The following HSPG2 variants were observed in gnomAD, a reference collection of about 807,000 sequenced individuals.
HSPG2 encodes basement membrane-specific heparan sulfate proteoglycan core protein.
In HSPG2, 278 loss-of-function variants were observed where a neutral mutation model predicts 526.6. That is an observed-to-expected ratio of 0.53 (90% CI 0.48 to 0.58). The LOEUF (loss-of-function observed/expected upper bound fraction) is 0.58, where lower values mean the gene tolerates loss of function less well. HSPG2 is among the 20% of genes least tolerant of loss of function. HSPG2 has a pLI of 0.00. For synonymous variants in HSPG2, 2,465 were observed against 2,555.4 expected, an observed-to-expected ratio of 0.96 and a Z score of 1.07; for missense variants, 5,354 against 6,099.5, an observed-to-expected ratio of 0.88 and a Z score of 4.07.
chr1:21,870,902 G>A (rs1318713254), intron 33 of HSPG2: 11 of 985,880 alleles, frequency 1.1e-5, no homozygotes, highest in African/African-American at 1.7e-5. Flanking sequence ...GCCAGGACAG[G>A]AGACAGAGAT....
chr1:21,926,673 T>C (rs952469730), intron 1 of HSPG2, among the ~76,000 whole-genome samples: 3 of 137,990 alleles, frequency 2.2e-5, no homozygotes, highest in African/African-American at 8.2e-5. Context: ...GGCAAAAGAA[T>C]CGCTATTGAA....
intron 1 of HSPG2, among the ~76,000 whole-genome samples, chr1:21,916,763 C>G (rs185675544): frequency 6.6e-6 from 1 of 152,000 alleles, no homozygotes; most frequent in Non-Finnish European, 1.5e-5. Context: ...TAAATAGTCA[C>G]GTGTGACTAG....
chr1:21,850,513 G>A lies in HSPG2; in HGVS notation c.7159-15C>T, dbSNP rs753264896. Reference sequence around the variant, plus strand: ...GAGCCGTGGGTCTGGCCAGAATGGGGGTGAGTCAGAGGGAGCCCTCAGGAG... The same window carrying A: ...GAGCCGTGGGTCTGGCCAGAATGGGAGTGAGTCAGAGGGAGCCCTCAGGAG... On this transcript the variant is annotated splice_polypyrimidine_tract_variant and intron_variant, in intron 55 of 96. Transcript: ENST00000374695. 2 of 1,599,886 alleles carry A rather than the reference G, an allele frequency of 1.3e-6. No homozygotes were observed. Among genetic ancestry groups the A allele is most frequent in the African/African-American group, 2.7e-5 (2 of 74,712 alleles).
chr1:21,829,959 G>A, intron 86 of HSPG2, 34 bp downstream of exon 86: 1 of 1,551,362 alleles, frequency 6.4e-7, no homozygotes, highest in South Asian at 1.2e-5. Flanking sequence ...GCTGACACTA[G>A]GACCCTGGGG....
chr1:21,895,782 C>T lies in HSPG2; in HGVS notation c.244+140G>A. ...CCAATCAGTCTGCACAACTGTCACT[C>T]AGCAGGTTAAGAGATCACACCCACT... On this transcript the variant is annotated intron_variant, in intron 3 of 96. Transcript: ENST00000374695. This position sits in a 1 kb window ranked among gnomAD's most constrained non-coding sequence, Gnocchi z 4.1. 1 of 791,666 alleles carries T rather than the reference C, an allele frequency of 1.3e-6. No individual in the cohort carries two copies. Among genetic ancestry groups the T allele is most frequent in the Non-Finnish European group, 2.2e-6 (1 of 456,022 alleles). 49.0% of individuals were successfully genotyped at this position (791,666 alleles called of 1,614,324 possible). A position where few individuals can be genotyped will look rare whatever the true frequency, so the allele number is the denominator to read the frequency against.
In HSPG2 at chr1:21,864,164, T is replaced by G; in HGVS notation, c.4676A>C (p.His1559Pro). The change falls in exon 37 of 97, where the codon CAC (histidine) becomes CCC (proline). Residue 1559 changes from histidine (H) to proline (P), a missense_variant. Transcript: ENST00000374695. The surrounding 1 kb of genome is among the most constrained non-coding windows in gnomAD (Gnocchi z 4.8). ...TRTGSGLYLG[H>P]CELCECNGHS... is the part of the protein sequence containing the mutation. ...GCCATTGCATTCACATAGCTCGCAG[T>G]GGCCGAGGTAGAGCCCACTCCCGGT... The G allele has an allele frequency of 6.4e-7, 1 of 1,555,986 alleles. No individual in the cohort carries two copies. Among genetic ancestry groups the G allele is most frequent in the Non-Finnish European group, 8.7e-7 (1 of 1,149,654 alleles).
Position 21,847,397 on chromosome 1 carries a change from G to A in HSPG2, c.8121C>T (p.Ala2707=). ...TAGGGGAGACGGAGATGACGATGGA[G>A]GCCTCCAGGGCATCGATGTTGTTGT... ...RANNNIDALE[A]SIVISVSPSA... is the part of the protein sequence containing the mutation. Residue 2707 remains alanine (A), a synonymous_variant, in exon 62 of 97, where the codon GCC becomes GCT. Coordinates refer to ENST00000374695, the MANE Select transcript of HSPG2 (RefSeq NM_005529.7). This position sits in a 1 kb window ranked among gnomAD's most constrained non-coding sequence, Gnocchi z 4.1. The A allele has an allele frequency of 6.2e-7, 1 of 1,613,986 alleles. No homozygotes were observed. Among genetic ancestry groups the A allele is most frequent in the South Asian group, 1.1e-5 (1 of 91,084 alleles).
intron 75 of HSPG2, 45 bp downstream of exon 75, chr1:21,836,757 T>C: frequency 6.7e-7 from 1 of 1,499,824 alleles, no homozygotes; most frequent in Non-Finnish European, 9.0e-7. Flanking sequence ...CTGTGAGCCC[T>C]GGGCTATGCT....
At chr1:21,832,352 G>GA in intron 81 of HSPG2, 143 bp downstream of exon 81, 1 of 688,416 alleles carries the variant, frequency 1.5e-6, no homozygotes, top group East Asian at 2.7e-5. Flanking sequence ...TCCTACTCTA[G>GA]CAGATTGGGT....
In HSPG2 at chr1:21,887,195, C is replaced by T. The variant is rs1350288465; in HGVS notation, c.1078+20G>A. The T allele has an allele frequency of 1.9e-6, 3 of 1,599,622 alleles. No individual in the cohort carries two copies. The highest frequency in any genetic ancestry group is 2.6e-6 in the Non-Finnish European group (3 of 1,174,686). On this transcript the variant is annotated intron_variant, in intron 9 of 96. Transcript: ENST00000374695. This position sits in a 1 kb window ranked among gnomAD's most constrained non-coding sequence, Gnocchi z 5.0. ...CCTGGGCAGGGCAAGGGGGCCTCAG[C>T]TGGACCCTCGGATACTCACGGCAGT...
chr1:21,829,915 T>C (rs781002775), intron 86 of HSPG2, 78 bp downstream of exon 86: 9 of 1,208,704 alleles, frequency 7.4e-6, no homozygotes, highest in African/African-American at 1.5e-5. Context: ...GTAGGGCCCA[T>C]CATGGCCTCA....
At chr1:21,837,445 A>AT (rs548828521) in intron 74 of HSPG2, among the ~76,000 whole-genome samples, 9,432 of 139,364 alleles carry the variant, frequency 0.068, 347 homozygotes, top group South Asian at 0.11. Flanking sequence ...TGCCTGGCTA[A>AT]TTTTTTTTTT....
intron 1 of HSPG2, among the ~76,000 whole-genome samples, chr1:21,909,845 G>A (rs1435783439): frequency 6.6e-6 from 1 of 152,222 alleles, no homozygotes; most frequent in Non-Finnish European, 1.5e-5. Flanking sequence ...ACCTACAGGA[G>A]GGCCCAGTGG....
At chr1:21,844,069 C>T in intron 65 of HSPG2, 79 bp downstream of exon 65, 2 of 1,574,114 alleles carry the variant, frequency 1.3e-6, no homozygotes, top group African/African-American at 1.3e-5. Flanking sequence ...TTGCTGAGGC[C>T]ACTTTCCCTT....
At position 21,832,483 on chromosome 1, in the gene HSPG2, T is replaced by C; in HGVS notation, c.11207+12A>G. 6.2e-7 allele frequency: 1 copy of C among 1,608,194 alleles called. No individual in the cohort carries two copies. Among genetic ancestry groups the C allele is most frequent in the Non-Finnish European group, 8.5e-7 (1 of 1,174,544 alleles). Reference sequence around the variant, plus strand: ...CCAGTCCCCCTGTAGGTGGGGAGGCTGGGGGTCTCACCGGAACTCGGGCCT... The same window carrying C: ...CCAGTCCCCCTGTAGGTGGGGAGGCCGGGGGTCTCACCGGAACTCGGGCCT... On this transcript the variant is annotated intron_variant, in intron 81 of 96. Transcript: ENST00000374695.
intron 25 of HSPG2, 66 bp downstream of exon 25, chr1:21,875,563 A>G: frequency 8.4e-7 from 1 of 1,187,120 alleles, no homozygotes; most frequent in Non-Finnish European, 1.2e-6. Flanking sequence ...GCTGTGCTGT[A>G]CTGCACCGCT....
At position 21,864,023 on chromosome 1, in the gene HSPG2, C is replaced by T. The variant is rs976946506; in HGVS notation, c.4740+77G>A. On this transcript the variant is annotated intron_variant, in intron 37 of 96. Transcript: ENST00000374695. This position sits in a 1 kb window ranked among gnomAD's most constrained non-coding sequence, Gnocchi z 4.8. ...ATGATCCTGATCCCCTGGATTGATG[C>T]CTGCCTTGTCCAGCCCTGGTCCCCC... The T allele has an allele frequency of 3.6e-6, 4 of 1,126,540 alleles. No homozygotes were observed. Among genetic ancestry groups the T allele is most frequent in the Admixed American group, 4.0e-5 (2 of 50,392 alleles). 69.8% of individuals were successfully genotyped at this position (1,126,540 alleles called of 1,614,324 possible). A position where few individuals can be genotyped will look rare whatever the true frequency, so the allele number is the denominator to read the frequency against.
At chr1:21,899,103 G>A (rs74062209) in intron 1 of HSPG2, among the ~76,000 whole-genome samples, 1,798 of 152,280 alleles carry the variant, frequency 0.012, 35 homozygotes, top group African/African-American at 0.041. Flanking sequence ...TCCAGAGCAC[G>A]GGTCCCTCCA....
chr1:21,822,969 G>T lies in HSPG2; in HGVS notation c.*347C>A, dbSNP rs1034955221. On this transcript the variant is annotated 3_prime_UTR_variant, in exon 97 of 97. Coordinates refer to ENST00000374695, the MANE Select transcript of HSPG2 (RefSeq NM_005529.7). ...TCTCCTAGGAGTGAGAACTGCCCAA[G>T]GGCTGCAGAAACAGGCCACCCAGCT... is the stretch of plus-strand genomic sequence containing the variant. The T allele has an allele frequency of 9.2e-5, 20 of 218,570 alleles. No individual in the cohort carries two copies. Among genetic ancestry groups the T allele is most frequent in the Admixed American group, 2.1e-4 (4 of 19,310 alleles). 13.5% of individuals were successfully genotyped at this position (218,570 alleles called of 1,614,324 possible).
Sources: gnomAD v4.1 joint callset for allele counts (sites outside exome capture counted in the v4.1 genomes callset) on GRCh38, gnomAD v4.1.1 for gene constraint, Gnocchi (gnomAD v3.1) non-coding constraint, MANE v1.5 for transcripts, NCBI Gene and HGNC (gene_info 2026-07-23, HGNC 2026-07-21) for gene names.